The following PTPRD variants were observed in gnomAD, a reference collection of about 807,000 sequenced individuals.
PTPRD encodes protein tyrosine phosphatase receptor type D, also known as receptor-type tyrosine-protein phosphatase delta.
In PTPRD, 34 loss-of-function variants were observed where a neutral mutation model predicts 214.5. That is an observed-to-expected ratio of 0.16 (90% CI 0.12 to 0.21). PTPRD has a LOEUF of 0.21. PTPRD is among the 10% of genes least tolerant of loss of function. The pLI is 1.00. For synonymous variants in PTPRD, 1,128 were observed against 845.7 expected, an observed-to-expected ratio of 1.33 and a Z score of -5.79; for missense variants, 2,545 against 2,398.7, an observed-to-expected ratio of 1.06 and a Z score of -1.27.
In PTPRD at chr9:9,991,478, C is replaced by T. The variant is rs77078502; in HGVS notation, c.-472+42240G>A. ...CCAGGTTCAAGCAATTCTCCTGCCTCAGCCTCCCGAGTAGCTGGGATTACA... is the reference window on the plus strand; with the variant it reads ...CCAGGTTCAAGCAATTCTCCTGCCTTAGCCTCCCGAGTAGCTGGGATTACA... On this transcript the variant is annotated intron_variant, in intron 4 of 45. Coordinates refer to ENST00000381196, the MANE Select transcript of PTPRD (RefSeq NM_002839.4). Among the ~76,000 whole-genome samples, 5 of 152,132 alleles carry T rather than the reference C, an allele frequency of 3.3e-5. No homozygotes were observed. In the East Asian group the frequency reaches 9.7e-4, roughly 29 times the overall value.
intron 10 of PTPRD, among the ~76,000 whole-genome samples, chr9:9,044,135 T>C (rs2099660329): frequency 6.6e-6 from 1 of 152,146 alleles, no homozygotes; most frequent in African/African-American, 2.4e-5. Flanking sequence ...TATTTTTATA[T>C]GACAACATGA....
At chr9:9,708,787 A>G (rs2097673039) in intron 7 of PTPRD, among the ~76,000 whole-genome samples, 2 of 152,092 alleles carry the variant, frequency 1.3e-5, no homozygotes, top group African/African-American at 4.8e-5. Flanking sequence ...TCAAAAATAT[A>G]ATTCAGAATG....
rs774841695 is a variant in PTPRD, at chr9:9,091,141, A to G, written c.-142-72406T>C. On this transcript the variant is annotated intron_variant, in intron 10 of 45. Coordinates refer to ENST00000381196, the MANE Select transcript of PTPRD (RefSeq NM_002839.4). ...CTGTGTGAGTTGTGCAATTCACAGC[A>G]AAGTAGTCAGGAATCGATCTCGTGA... is the stretch of plus-strand genomic sequence containing the variant. The G allele has an allele frequency of 3.3e-6, 5 of 1,515,754 alleles. No homozygotes were observed. The African/African-American group carries it at 4.1e-5, about 12-fold the overall frequency. The allele number at this position is 1,515,754 out of a possible 1,614,324, so 93.9% of individuals were successfully genotyped here. A position where few individuals can be genotyped will look rare whatever the true frequency, so the allele number is the denominator to read the frequency against.
chr9:8,342,164 G>T (rs1265226474), intron 39 of PTPRD, among the ~76,000 whole-genome samples, 186 bp from the exon 40 acceptor site: 1 of 151,890 alleles, frequency 6.6e-6, no homozygotes, highest in Non-Finnish European at 1.5e-5. Context: ...TCAGAGGACA[G>T]GGAACAAAAG....
chr9:8,605,548 G>C (rs1299211002), intron 14 of PTPRD, among the ~76,000 whole-genome samples: 1 of 152,198 alleles, frequency 6.6e-6, no homozygotes, highest in Non-Finnish European at 1.5e-5. Context: ...GTTTACTCTA[G>C]ATGGGCTAGT....
intron 14 of PTPRD, among the ~76,000 whole-genome samples, chr9:8,626,013 G>A (rs1216996460): frequency 1.3e-5 from 2 of 151,698 alleles, no homozygotes; most frequent in African/African-American, 4.8e-5. Flanking sequence ...GCTCTTCTAA[G>A]GAGATACGTA....
intron 7 of PTPRD, among the ~76,000 whole-genome samples, chr9:9,605,033 T>C (rs1181817002): frequency 6.6e-6 from 1 of 152,030 alleles, no homozygotes; most frequent in African/African-American, 2.4e-5. Flanking sequence ...ATTGTTGCCT[T>C]TTTATTTCTT....
intron 3 of PTPRD, among the ~76,000 whole-genome samples, chr9:10,165,527 G>A (rs894806083): frequency 2.0e-5 from 3 of 151,666 alleles, no homozygotes; most frequent in Non-Finnish European, 3.0e-5. Context: ...GTATAACAAT[G>A]GCATTCTTAT....
rs73644469 is a variant in PTPRD at position 10,480,248 on chromosome 9, T to C, written c.-600+132150A>G. Among the ~76,000 whole-genome samples, 373 of 152,310 alleles carry C rather than the reference T, an allele frequency of 2.4e-3. 1 individual carries two copies. The highest frequency in any genetic ancestry group is 8.3e-3 in the African/African-American group (346 of 41,570). On this transcript the variant is annotated intron_variant, in intron 2 of 45. Transcript: ENST00000381196. ...ACAGAATTTTCAACAGAGAAGCACA[T>C]ATCTAATTTTCTCAAACATGACTTT...
intron 7 of PTPRD, among the ~76,000 whole-genome samples, chr9:9,730,711 A>G (rs2098174107): frequency 6.6e-6 from 1 of 152,110 alleles, no homozygotes; most frequent in South Asian, 2.1e-4. Context: ...ATAGACTGAA[A>G]TCTCAGCATC....
intron 11 of PTPRD, among the ~76,000 whole-genome samples, chr9:8,892,623 A>ATATATATGTGTGTATATATATGTG (rs1566865900): frequency 6.9e-6 from 1 of 144,538 alleles, no homozygotes; most frequent in African/African-American, 2.7e-5. Flanking sequence ...ATATATGTGT[A>ATATATATGTGTGTATATATATGTG]TATATATGTG....
At chr9:8,363,720 G>T (rs929481108) in intron 39 of PTPRD, among the ~76,000 whole-genome samples, 1 of 152,184 alleles carries the variant, frequency 6.6e-6, no homozygotes, top group Non-Finnish European at 1.5e-5. Flanking sequence ...TCAAAAGTTT[G>T]ATGGGATAAC....
intron 4 of PTPRD, among the ~76,000 whole-genome samples, chr9:10,008,614 TTCAGC>T (rs1161551729): frequency 8.0e-4 from 122 of 152,098 alleles, no homozygotes; most frequent in Non-Finnish European, 1.3e-3. Context: ...AGCCAATCCA[TTCAGC>T]ATAAATTCCT....
intron 11 of PTPRD, among the ~76,000 whole-genome samples, chr9:8,932,856 C>T (rs4478629): frequency 2.2e-4 from 33 of 150,786 alleles, no homozygotes; most frequent in Admixed American, 1.8e-3. Context: ...CCCTGGCTTC[C>T]GTCGCCTTTC....
chr9:9,793,677 T>C (rs548195964), intron 5 of PTPRD, among the ~76,000 whole-genome samples: 1 of 152,048 alleles, frequency 6.6e-6, no homozygotes, highest in South Asian at 2.1e-4. Flanking sequence ...TTCAAAGGTT[T>C]CAAATTCAGC....
chr9:10,573,595 G>C (rs1326350253), intron 2 of PTPRD, among the ~76,000 whole-genome samples: 1 of 152,132 alleles, frequency 6.6e-6, no homozygotes, highest in Non-Finnish European at 1.5e-5. Context: ...GGAAGGCATT[G>C]AGAGCAGATG....
At chr9:9,967,719 T>C (rs2094806056) in intron 4 of PTPRD, among the ~76,000 whole-genome samples, 1 of 152,196 alleles carries the variant, frequency 6.6e-6, no homozygotes, top group Admixed American at 6.5e-5. Context: ...TGGTTTGCAA[T>C]GTGCTTTCGC....
At position 9,872,290 on chromosome 9, in the gene PTPRD, T is replaced by G. The variant is rs957551268; in HGVS notation, c.-368+66217A>C. Among the ~76,000 whole-genome samples the G allele has an allele frequency of 2.6e-5, 4 of 152,280 alleles. 1 individual carries two copies. Among genetic ancestry groups the G allele is most frequent in the African/African-American group, 2.4e-5 (1 of 41,558 alleles). On this transcript the variant is annotated intron_variant, in intron 5 of 45. Coordinates refer to ENST00000381196, the MANE Select transcript of PTPRD (RefSeq NM_002839.4). Reference sequence around the variant, plus strand: ...ATCCATGTCACCCTGGGCAAGTGATTTGCCCTCACAGTCCCTCAATTTCCT... The same window carrying G: ...ATCCATGTCACCCTGGGCAAGTGATGTGCCCTCACAGTCCCTCAATTTCCT...
intron 13 of PTPRD, among the ~76,000 whole-genome samples, chr9:8,633,930 T>C (rs2096342389): frequency 6.6e-6 from 1 of 152,018 alleles, no homozygotes; most frequent in East Asian, 1.9e-4. Flanking sequence ...TCCTGAACAG[T>C]ATAGATAGGC....
Sources: allele counts gnomAD v4.1 joint callset (sites outside exome capture counted in the v4.1 genomes callset), GRCh38; gene constraint gnomAD v4.1.1; transcripts MANE v1.5; gene names NCBI Gene and HGNC (gene_info 2026-07-23, HGNC 2026-07-21).